Variants in L3MBTL4 observed in about 807,000 individuals in gnomAD.
L3MBTL4 encodes L3MBTL histone methyl-lysine binding protein 4, also known as lethal(3)malignant brain tumor-like protein 4.
In L3MBTL4, 70 loss-of-function variants were observed where a neutral mutation model predicts 84.5. The ratio of observed to expected loss-of-function variants is 0.83; its 90% CI spans 0.68 to 1.01. The LOEUF (loss-of-function observed/expected upper bound fraction) is 1.01. L3MBTL4 is among the 50% of genes least tolerant of loss of function. The probability of loss-of-function intolerance (pLI) is 0.00; values close to 1 mark genes in which losing one functional copy is unlikely to be tolerated. For missense variants in L3MBTL4, 715 were observed against 754.8 expected (o/e 0.95, Z 0.62); for synonymous variants, 274 against 259.8 (o/e 1.05, Z -0.52).
intron 3 of L3MBTL4, among the ~76,000 whole-genome samples, chr18:6,310,186 G>A (rs929358978): frequency 1.3e-5 from 2 of 152,226 alleles, no homozygotes; most frequent in South Asian, 2.1e-4. Context: ...CAGAGGACAC[G>A]ACACAGCAGA....
chr18:6,143,916 G>T lies in L3MBTL4; in HGVS notation c.1097-5620C>A, dbSNP rs550321909. Among the ~76,000 whole-genome samples the T allele has an allele frequency of 2.3e-3, 357 of 152,190 alleles. 1 individual carries two copies. Among genetic ancestry groups the T allele is most frequent in the Non-Finnish European group, 3.5e-3 (239 of 67,990 alleles). ...GGAAAATGATAATAAAGACAGCAACGGCTGGGCGCGGTGGCTCACGCCTGT... is the reference window on the plus strand; with the variant it reads ...GGAAAATGATAATAAAGACAGCAACTGCTGGGCGCGGTGGCTCACGCCTGT... On this transcript the variant is annotated intron_variant, in intron 13 of 18. Coordinates refer to ENST00000317931, the MANE Select transcript of L3MBTL4 (RefSeq NM_001330559.2).
At chr18:6,161,826 T>A (rs757660373) in intron 13 of L3MBTL4, among the ~76,000 whole-genome samples, 6 of 152,098 alleles carry the variant, frequency 3.9e-5, no homozygotes, top group Non-Finnish European at 7.4e-5. Context: ...TACTCATCCA[T>A]GGGCAGCTGT....
At chr18:6,297,366 G>A (rs1196356140) in intron 4 of L3MBTL4, among the ~76,000 whole-genome samples, 1 of 152,158 alleles carries the variant, frequency 6.6e-6, no homozygotes, top group Non-Finnish European at 1.5e-5. Flanking sequence ...TAGAAAAACT[G>A]GTGATATCTG....
intron 16 of L3MBTL4, among the ~76,000 whole-genome samples, chr18:6,033,707 G>C (rs1007017723): frequency 6.6e-6 from 1 of 151,580 alleles, no homozygotes; most frequent in Non-Finnish European, 1.5e-5. Flanking sequence ...ACTTTCTTTT[G>C]TGTATATTCT....
At chr18:6,230,490 C>T (rs946087252) in intron 10 of L3MBTL4, among the ~76,000 whole-genome samples, 2 of 152,132 alleles carry the variant, frequency 1.3e-5, no homozygotes, top group Non-Finnish European at 2.9e-5. Context: ...CATTGACAGG[C>T]ATTTGAGTTG....
chr18:6,366,576 C>T (rs2053944363), intron 1 of L3MBTL4, among the ~76,000 whole-genome samples: 1 of 152,156 alleles, frequency 6.6e-6, no homozygotes, highest in Non-Finnish European at 1.5e-5. Flanking sequence ...AATATCTATA[C>T]AAGGAATTGA....
At chr18:6,244,093 A>G (rs889165227) in intron 6 of L3MBTL4, among the ~76,000 whole-genome samples, 1 of 152,198 alleles carries the variant, frequency 6.6e-6, no homozygotes, top group Admixed American at 6.5e-5. Flanking sequence ...ATTTTCATAA[A>G]GTGAATGTAT....
chr18:6,165,519 C>T (rs1317876308), intron 13 of L3MBTL4, among the ~76,000 whole-genome samples: 1 of 151,278 alleles, frequency 6.6e-6, no homozygotes, highest in Non-Finnish European at 1.5e-5. Flanking sequence ...AGAGTGGGGG[C>T]CAATATTCAA....
rs558596488 is a variant in L3MBTL4, at chr18:6,160,370, T to C, written c.1096+11458A>G. On this transcript the variant is annotated intron_variant, in intron 13 of 18. Coordinates refer to ENST00000317931, the MANE Select transcript of L3MBTL4 (RefSeq NM_001330559.2). ...AGTCAGCAGTGTTACAAGTCAGGAG[T>C]GTTCGGAGCCAAAACCTTGTTTAAT... Among the ~76,000 whole-genome samples, 12 of 152,098 alleles carry C rather than the reference T, an allele frequency of 7.9e-5. No homozygotes were observed. In the South Asian group the frequency reaches 2.1e-3, roughly 26 times the overall value.
intron 1 of L3MBTL4, among the ~76,000 whole-genome samples, chr18:6,334,250 C>G (rs2052207608): frequency 6.6e-6 from 1 of 152,182 alleles, no homozygotes. Flanking sequence ...GGTAAACTAT[C>G]TGATGATACC....
intron 14 of L3MBTL4, among the ~76,000 whole-genome samples, chr18:6,123,676 A>G (rs1270379577): frequency 6.6e-6 from 1 of 152,210 alleles, no homozygotes; most frequent in African/African-American, 2.4e-5. Flanking sequence ...ATTAATATGA[A>G]TATCACAGAT....
At chr18:6,151,747 A>G (rs1208505436) in intron 13 of L3MBTL4, among the ~76,000 whole-genome samples, 1 of 152,208 alleles carries the variant, frequency 6.6e-6, no homozygotes, top group Non-Finnish European at 1.5e-5. Flanking sequence ...GATGTATGAC[A>G]TGGTGATGTG....
chr18:6,143,949 G>A (rs1469690964), intron 13 of L3MBTL4, among the ~76,000 whole-genome samples: 3 of 152,252 alleles, frequency 2.0e-5, no homozygotes, highest in African/African-American at 7.2e-5. Context: ...TGTAATCCCA[G>A]CATTTTGGGA....
intron 1 of L3MBTL4, among the ~76,000 whole-genome samples, chr18:6,338,265 G>A (rs1055943097): frequency 1.3e-5 from 2 of 151,908 alleles, no homozygotes; most frequent in South Asian, 2.1e-4. Flanking sequence ...GGAGAGGAGA[G>A]AGTTCTTCAG....
intron 16 of L3MBTL4, among the ~76,000 whole-genome samples, chr18:6,052,543 C>T (rs898687627): frequency 2.0e-5 from 3 of 152,178 alleles, no homozygotes; most frequent in East Asian, 1.9e-4. Flanking sequence ...TGCACTTCTA[C>T]GCCTCTTGTG....
chr18:6,276,496 T>C (rs1033293561), intron 4 of L3MBTL4, among the ~76,000 whole-genome samples: 1 of 152,080 alleles, frequency 6.6e-6, no homozygotes, highest in Non-Finnish European at 1.5e-5. Flanking sequence ...GAAAATCCAA[T>C]TGCAAACATA....
intron 14 of L3MBTL4, among the ~76,000 whole-genome samples, chr18:6,093,999 C>T (rs918479222): frequency 6.6e-6 from 1 of 152,182 alleles, no homozygotes; most frequent in South Asian, 2.1e-4. Flanking sequence ...TGCAGATCTG[C>T]TTAATCCTCC....
chr18:6,183,725 T>C, intron 12 of L3MBTL4, among the ~76,000 whole-genome samples: 1 of 152,198 alleles, frequency 6.6e-6, no homozygotes, highest in South Asian at 2.1e-4. Context: ...AAGGGATATT[T>C]TTGAGAGTAA....
At position 6,057,171 on chromosome 18, in the gene L3MBTL4, C is replaced by G. The variant is rs533321353; in HGVS notation, c.1444+23710G>C. ...TCAGCCTCTCGAGTATCTGGGATTA[C>G]AGGCATGCCACCACGCCCAGCTAAT... is the stretch of plus-strand genomic sequence containing the variant. On this transcript the variant is annotated intron_variant, in intron 16 of 18. Coordinates refer to ENST00000317931, the MANE Select transcript of L3MBTL4 (RefSeq NM_001330559.2). Among the ~76,000 whole-genome samples the G allele has an allele frequency of 3.4e-4, 52 of 152,190 alleles. 2 individuals carry two copies. In the South Asian group the frequency reaches 4.4e-3, roughly 13 times the overall value.
Sources: allele counts gnomAD v4.1 joint callset (sites outside exome capture counted in the v4.1 genomes callset), GRCh38; gene constraint gnomAD v4.1.1; transcripts MANE v1.5; gene names NCBI Gene and HGNC (gene_info 2026-07-23, HGNC 2026-07-21).